NFIA: variants seen among roughly 807,000 people sequenced by gnomAD.
NFIA encodes the protein nuclear factor 1 A-type.
NFIA carries 8 observed loss-of-function variants against 62.8 expected under a neutral mutation model. The observed-to-expected ratio is 0.13, with a 90% CI of 0.07 to 0.23. The LOEUF is 0.23. NFIA is among the 10% of genes least tolerant of loss of function. The pLI, the probability that NFIA is intolerant of heterozygous loss-of-function variation, is 1.00. For synonymous variants in NFIA, 235 were observed against 238.1 expected, an observed-to-expected ratio of 0.99 and a Z score of 0.12; for missense variants, 410 against 642.1, an observed-to-expected ratio of 0.64 and a Z score of 3.91.
chr1:61,310,742 CCCT>C (rs1229464669), intron 3 of NFIA, among the ~76,000 whole-genome samples: 1 of 115,808 alleles, frequency 8.6e-6, no homozygotes, highest in African/African-American at 3.6e-5. Flanking sequence ...CCCTCTCATC[CCCT>C]CCTCCTGCTT....
chr1:61,084,530 A>G (rs1646184433), intron 1 of NFIA, among the ~76,000 whole-genome samples: 1 of 152,034 alleles, frequency 6.6e-6, no homozygotes, highest in Admixed American at 6.6e-5. Context: ...ACAATTGCAT[A>G]TGGATAAGAT....
At chr1:61,432,974 A>G (rs764265531) in intron 10 of NFIA, among the ~76,000 whole-genome samples, 1 of 152,156 alleles carries the variant, frequency 6.6e-6, no homozygotes, top group Non-Finnish European at 1.5e-5. Flanking sequence ...AGAAGAGTAC[A>G]TTTGTCCCAT....
At chr1:61,366,446 G>A (rs1663592491) in intron 6 of NFIA, among the ~76,000 whole-genome samples, 1 of 151,952 alleles carries the variant, frequency 6.6e-6, no homozygotes, top group South Asian at 2.1e-4. Flanking sequence ...AATTATACTG[G>A]GATTGTAAAA....
At chr1:61,272,465 A>C (rs1361178160) in intron 2 of NFIA, among the ~76,000 whole-genome samples, 8 of 152,214 alleles carry the variant, frequency 5.3e-5, no homozygotes, top group African/African-American at 1.7e-4. Flanking sequence ...TCGTTAATGT[A>C]ATAAACTTAT....
chr1:61,377,231 G>A (rs10627620), intron 6 of NFIA, among the ~76,000 whole-genome samples: 66 of 119,842 alleles, frequency 5.5e-4, no homozygotes, highest in Non-Finnish European at 8.6e-4. Flanking sequence ...TCAAAAAAAA[G>A]AAAGAAAGAG....
chr1:61,392,336 A>G lies in NFIA; in HGVS notation c.1075+8971A>G, dbSNP rs2295327. Among the ~76,000 whole-genome samples the G allele has an allele frequency of 8.5e-5, 13 of 152,334 alleles. No individual in the cohort carries two copies. The East Asian group carries it at 2.5e-3, about 29-fold the overall frequency. Reference sequence around the variant, plus strand: ...CAAAGGAAAAAAAGAGTGCCAGCAAATGTTTTAAAACTACAACTAAACAAA... The same window carrying G: ...CAAAGGAAAAAAAGAGTGCCAGCAAGTGTTTTAAAACTACAACTAAACAAA... On this transcript the variant is annotated intron_variant, in intron 7 of 10. Transcript: ENST00000403491.
Position 61,149,732 on chromosome 1 carries a change from G to GT in NFIA, c.559+61058dup, listed in dbSNP as rs1236786302. Among the ~76,000 whole-genome samples, 6 of 152,158 alleles carry GT rather than the reference G, an allele frequency of 3.9e-5. No individual in the cohort carries two copies. In the East Asian group the frequency reaches 7.7e-4, roughly 20 times the overall value. On this transcript the variant is annotated intron_variant, in intron 2 of 10. Coordinates refer to ENST00000403491, the MANE Select transcript of NFIA (RefSeq NM_001134673.4). ...AACTTCTCTGAGTTCCCCTGTCTCTGTTTTTTCATTTGTAAAATGGAGTGG... is the reference window on the plus strand; with the variant it reads ...AACTTCTCTGAGTTCCCCTGTCTCTGTTTTTTTCATTTGTAAAATGGAGTGG...
chr1:61,080,634 T>A (rs1646084160), upstream of NFIA, among the ~76,000 whole-genome samples: 1 of 152,130 alleles, frequency 6.6e-6, no homozygotes, highest in African/African-American at 2.4e-5. Context: ...CCTCCCCTAC[T>A]AAAATCTGAG....
At chr1:61,115,903 C>T (rs536468116) in intron 2 of NFIA, among the ~76,000 whole-genome samples, 3 of 152,288 alleles carry the variant, frequency 2.0e-5, no homozygotes, top group South Asian at 2.1e-4. Context: ...ACTTTTGAAA[C>T]TCTAAAAAGG....
At chr1:61,257,944 G>A (rs1656530612) in intron 2 of NFIA, among the ~76,000 whole-genome samples, 1 of 131,024 alleles carries the variant, frequency 7.6e-6, no homozygotes, top group African/African-American at 2.9e-5. Context: ...CTTAAATGAT[G>A]CTCTCATCTT....
chr1:61,078,578 T>G (rs1201089777), upstream of NFIA, among the ~76,000 whole-genome samples: 1 of 152,186 alleles, frequency 6.6e-6, no homozygotes, highest in African/African-American at 2.4e-5. Flanking sequence ...ACTTTGAAAT[T>G]AATAGGTAAA....
chr1:61,362,174 A>G (rs1663333314), intron 6 of NFIA, among the ~76,000 whole-genome samples: 2 of 152,146 alleles, frequency 1.3e-5, no homozygotes, highest in Non-Finnish European at 2.9e-5. Flanking sequence ...TTTTTGGCAC[A>G]GAGAGCACCT....
Position 61,456,147 on chromosome 1 carries a change from T to C in NFIA, c.*827T>C, listed in dbSNP as rs1375432050. 6.6e-6 allele frequency: 1 copy of C among 152,612 alleles called. No individual in the cohort carries two copies. Among genetic ancestry groups the C allele is most frequent in the Non-Finnish European group, 1.5e-5 (1 of 68,032 alleles). The allele number at this position is 152,612 out of a possible 1,614,324, so 9.5% of individuals were successfully genotyped here. A position where few individuals can be genotyped will look rare whatever the true frequency, so the allele number is the denominator to read the frequency against. ...TTTGACAGAAACTGACAGGAATCAA[T>C]CAAAACAATCGAATTTTGAATTGAG... On this transcript the variant is annotated 3_prime_UTR_variant, in exon 11 of 11. Transcript: ENST00000403491.
chr1:61,234,117 C>A (rs1055604707), intron 2 of NFIA, among the ~76,000 whole-genome samples: 3 of 151,832 alleles, frequency 2.0e-5, no homozygotes, highest in Non-Finnish European at 2.9e-5. Flanking sequence ...CTTGTAATCC[C>A]AGCACTTTGG....
intron 2 of NFIA, among the ~76,000 whole-genome samples, chr1:61,184,344 G>A (rs1229045023): frequency 6.6e-6 from 1 of 152,206 alleles, no homozygotes; most frequent in Non-Finnish European, 1.5e-5. Context: ...GACATGCCAC[G>A]AGGGCACGCA....
intron 3 of NFIA, among the ~76,000 whole-genome samples, chr1:61,287,527 C>A (rs913868229): frequency 5.9e-5 from 9 of 152,144 alleles, no homozygotes; most frequent in Non-Finnish European, 4.4e-5. Context: ...CCAGATGTAG[C>A]ACAATGGTGG....
At chr1:61,216,168 G>A (rs535551213) in intron 2 of NFIA, among the ~76,000 whole-genome samples, 2 of 152,190 alleles carry the variant, frequency 1.3e-5, no homozygotes, top group Non-Finnish European at 2.9e-5. Context: ...ACATCGCTGA[G>A]TTCAGTTCAT....
chr1:61,082,452 A>G, upstream of NFIA: 2 of 1,009,780 alleles, frequency 2.0e-6, no homozygotes, highest in Non-Finnish European at 2.4e-6. Flanking sequence ...GCGCGCGGGC[A>G]GCTCGCGGGC....
intron 2 of NFIA, among the ~76,000 whole-genome samples, chr1:61,187,044 CCT>C (rs887080648): frequency 2.6e-5 from 4 of 152,210 alleles, no homozygotes; most frequent in Non-Finnish European, 5.9e-5. Flanking sequence ...CCAGTTTCAC[CCT>C]GTTAGCCCTT....
Sources: allele counts gnomAD v4.1 joint callset (sites outside exome capture counted in the v4.1 genomes callset), GRCh38; gene constraint gnomAD v4.1.1; transcripts MANE v1.5; gene names NCBI Gene and HGNC (gene_info 2026-07-23, HGNC 2026-07-21).